The following DGKB variants were observed in gnomAD, a reference collection of about 807,000 sequenced individuals.
DGKB encodes 90 kDa diacylglycerol kinase.
In DGKB, 67 loss-of-function variants were observed where a neutral mutation model predicts 114.3. The ratio of observed to expected loss-of-function variants is 0.59; its 90% CI spans 0.48 to 0.72. The LOEUF is 0.72. Among genes scored for constraint, DGKB ranks in the 30% least tolerant of loss-of-function variants. The pLI is 0.00. For missense variants in DGKB, 907 were observed against 975.2 expected (o/e 0.93, Z 0.93); for synonymous variants, 398 against 323.1 (o/e 1.23, Z -2.49).
At chr7:14,278,675 A>C (rs1056049759) in intron 23 of DGKB, among the ~76,000 whole-genome samples, 3 of 152,210 alleles carry the variant, frequency 2.0e-5, no homozygotes, top group East Asian at 3.8e-4. Flanking sequence ...ATGGGAAATG[A>C]AATAACAGAG....
chr7:14,502,148 G>A lies in DGKB; in HGVS notation c.1771-23923C>T, dbSNP rs551321060. ...GCTTGACTAACAGAATGTGATGAAAGTGACATTCTAGGCATTGAAGCTTTC... is the reference window on the plus strand; with the variant it reads ...GCTTGACTAACAGAATGTGATGAAAATGACATTCTAGGCATTGAAGCTTTC... On this transcript the variant is annotated intron_variant, in intron 20 of 25. Transcript: ENST00000402815. Among the ~76,000 whole-genome samples the A allele has an allele frequency of 3.9e-5, 6 of 152,044 alleles. No homozygotes were observed. The East Asian group carries it at 1.2e-3, about 29-fold the overall frequency.
At chr7:14,228,649 T>G (rs1036579134) in intron 23 of DGKB, among the ~76,000 whole-genome samples, 7 of 151,952 alleles carry the variant, frequency 4.6e-5, no homozygotes, top group Non-Finnish European at 1.0e-4. Flanking sequence ...AACTAATGGA[T>G]GTGAGCAAAA....
chr7:14,308,138 A>C (rs1250083779), intron 23 of DGKB, among the ~76,000 whole-genome samples: 1 of 152,114 alleles, frequency 6.6e-6, no homozygotes, highest in African/African-American at 2.4e-5. Context: ...ATTTTAAAAG[A>C]AAATCATAAA....
chr7:14,200,621 C>T (rs1163462001), intron 23 of DGKB, among the ~76,000 whole-genome samples: 1 of 151,972 alleles, frequency 6.6e-6, no homozygotes, highest in African/African-American at 2.4e-5. Flanking sequence ...GCCCATTTAT[C>T]CATTTACCTC....
chr7:14,735,690 C>T (rs765233984), intron 5 of DGKB, among the ~76,000 whole-genome samples: 1 of 151,958 alleles, frequency 6.6e-6, no homozygotes, highest in African/African-American at 2.4e-5. Flanking sequence ...AATATTATAC[C>T]TTTTTAGATA....
chr7:14,443,244 A>G (rs1328134470), intron 21 of DGKB, among the ~76,000 whole-genome samples: 1 of 152,138 alleles, frequency 6.6e-6, no homozygotes, highest in East Asian at 1.9e-4. Flanking sequence ...TAGAACCATC[A>G]GATCCCATCA....
intron 1 of DGKB, among the ~76,000 whole-genome samples, chr7:14,861,663 T>C (rs1352882122): frequency 2.0e-5 from 3 of 151,892 alleles, no homozygotes; most frequent in Non-Finnish European, 4.4e-5. Flanking sequence ...CTATATAGTT[T>C]TACCACCTAT....
chr7:14,558,495 A>G (rs1796188306), intron 20 of DGKB, among the ~76,000 whole-genome samples: 1 of 149,520 alleles, frequency 6.7e-6, no homozygotes, highest in South Asian at 2.1e-4. Context: ...TACTTGTAAT[A>G]TGACTGAATT....
intron 21 of DGKB, among the ~76,000 whole-genome samples, chr7:14,411,725 A>C (rs1232221277): frequency 1.8e-4 from 2 of 11,328 alleles, no homozygotes; most frequent in Admixed American, 6.2e-4. Flanking sequence ...TCAGACAAAA[A>C]CTTCTATCCT....
intron 20 of DGKB, among the ~76,000 whole-genome samples, chr7:14,508,779 A>T (rs1787515806): frequency 6.6e-6 from 1 of 152,120 alleles, no homozygotes; most frequent in African/African-American, 2.4e-5. Context: ...TTTCTCAATG[A>T]GTCATATAAT....
At chr7:14,591,912 A>C (rs1801767153) in intron 17 of DGKB, among the ~76,000 whole-genome samples, 1 of 151,968 alleles carries the variant, frequency 6.6e-6, no homozygotes. Context: ...TTTTAAAAGA[A>C]AAGAAAATTG....
intron 2 of DGKB, among the ~76,000 whole-genome samples, chr7:14,779,534 G>T (rs1052364148): frequency 1.3e-5 from 2 of 151,992 alleles, no homozygotes; most frequent in African/African-American, 4.8e-5. Flanking sequence ...AAAAGAATAT[G>T]ATTATAACCA....
intron 23 of DGKB, among the ~76,000 whole-genome samples, chr7:14,283,429 C>T (rs1434240161): frequency 6.6e-6 from 1 of 151,248 alleles, no homozygotes; most frequent in East Asian, 1.9e-4. Context: ...GTGAAAATGG[C>T]CATACTGCCC....
chr7:14,575,744 C>T (rs750798926), intron 19 of DGKB, among the ~76,000 whole-genome samples: 8 of 152,114 alleles, frequency 5.3e-5, no homozygotes, highest in South Asian at 2.1e-4. Context: ...TATTTTGAGT[C>T]GGAACAACAT....
At chr7:14,944,497 G>A (rs68188636) in intron 1 of DGKB, among the ~76,000 whole-genome samples, 19,096 of 151,858 alleles carry the variant, frequency 0.13, 1,312 homozygotes, top group Admixed American at 0.19. Context: ...AAAATTTTTA[G>A]AGAACTTTTC....
At chr7:14,293,018 G>A (rs757966144) in intron 23 of DGKB, among the ~76,000 whole-genome samples, 4 of 152,108 alleles carry the variant, frequency 2.6e-5, no homozygotes, top group Non-Finnish European at 4.4e-5. Flanking sequence ...TTCTTAGGAT[G>A]AGAGAGAGAA....
In DGKB at chr7:14,603,242, C is replaced by T. The variant is rs191395394; in HGVS notation, c.1433+4192G>A. Among the ~76,000 whole-genome samples the T allele has an allele frequency of 9.2e-5, 14 of 152,118 alleles. No individual in the cohort carries two copies. The East Asian group carries it at 1.2e-3, about 13-fold the overall frequency. On this transcript the variant is annotated intron_variant, in intron 17 of 25. Coordinates refer to ENST00000402815, the MANE Select transcript of DGKB (RefSeq NM_001350709.2). ...CACATTTAATTGGGGGAGAGCTTGC[C>T]GAATCATCTGCATTTTATTTTATGA...
intron 13 of DGKB, among the ~76,000 whole-genome samples, chr7:14,664,593 T>C (rs1387313782): frequency 1.3e-5 from 2 of 152,054 alleles, no homozygotes; most frequent in East Asian, 1.9e-4. Context: ...GATCACACTA[T>C]GTACTCTCTT....
intron 1 of DGKB, among the ~76,000 whole-genome samples, chr7:14,935,671 C>T (rs536785324): frequency 3.9e-5 from 6 of 151,960 alleles, no homozygotes; most frequent in Admixed American, 2.0e-4. Flanking sequence ...ACTTTACAGA[C>T]GAATTACATT....
Sources: allele counts gnomAD v4.1 joint callset (sites outside exome capture counted in the v4.1 genomes callset), GRCh38; gene constraint gnomAD v4.1.1; transcripts MANE v1.5; gene names NCBI Gene and HGNC (gene_info 2026-07-23, HGNC 2026-07-21).